CARF: variants seen among roughly 807,000 people sequenced by gnomAD.
The protein encoded by CARF is calcium responsive transcription factor.
Under a neutral mutation model 82.0 loss-of-function variants are expected in CARF, and 57 were observed. The observed-to-expected ratio is 0.70, with a 90% CI of 0.56 to 0.87. The LOEUF is 0.87. CARF is among the 40% of genes least tolerant of loss of function. The probability of loss-of-function intolerance (pLI) is 0.00; values close to 1 mark genes in which losing one functional copy is unlikely to be tolerated. For missense variants in CARF, 771 were observed against 855.8 expected, an observed-to-expected ratio of 0.90 and a Z score of 1.24; for synonymous variants, 268 against 290.1, an observed-to-expected ratio of 0.92 and a Z score of 0.77.
intron 3 of CARF, among the ~76,000 whole-genome samples, chr2:202,933,073 G>C (rs1303265513): frequency 6.6e-6 from 1 of 152,138 alleles, no homozygotes; most frequent in Non-Finnish European, 1.5e-5. Flanking sequence ...TGACTGCTCT[G>C]AGCAGCTAAG....
chr2:202,960,719 C>T lies in CARF; in HGVS notation c.643-518C>T, dbSNP rs555207958. 5.3e-5 allele frequency among the ~76,000 whole-genome samples: 8 copies of T among 151,236 alleles called. No individual in the cohort carries two copies. In the South Asian group the frequency reaches 8.4e-4, roughly 16 times the overall value. ...CTGCCTTCCCACCTTCCCGCCTTCC[C>T]GCCTTCCCACCTTCCCGCCTTCCCG... On this transcript the variant is annotated intron_variant, in intron 8 of 16. Coordinates refer to ENST00000438828, the MANE Select transcript of CARF (RefSeq NM_024744.17).
rs574326911 is a variant in CARF, at chr2:202,977,166, T to G, written c.1495-103T>G. 3 of 832,282 alleles carry G rather than the reference T, an allele frequency of 3.6e-6. No homozygotes were observed. The South Asian group carries it at 4.8e-5, about 13-fold the overall frequency. 51.6% of individuals were successfully genotyped at this position (832,282 alleles called of 1,614,324 possible). ...ACAAGTGAAGAGAGTAGTTGCAGAA[T>G]AAATCACATACTGTGAATAAAATAT... On this transcript the variant is annotated intron_variant, in intron 13 of 16. Transcript: ENST00000438828.
At chr2:202,949,676 G>A (rs1212630566) in intron 5 of CARF, among the ~76,000 whole-genome samples, 2 of 151,374 alleles carry the variant, frequency 1.3e-5, no homozygotes, top group African/African-American at 2.4e-5. Context: ...TCAGCCTCCC[G>A]AGTAGCTGGG....
Position 202,986,899 on chromosome 2 carries a change from T to TACATATATATATATATATAC in CARF, c.*3276_*3277insCATATATATATATATATACA, listed in dbSNP as rs1371634828. On this transcript the variant is annotated 3_prime_UTR_variant, in exon 17 of 17. Transcript: ENST00000438828. ...ATATATATATATATATATATATATA[T>TACATATATATATATATATAC]ATATATATAGCAACTTGATGTATAG... 4.3e-4 allele frequency: 60 copies of TACATATATATATATATATAC among 138,072 alleles called. No individual in the cohort carries two copies. Among genetic ancestry groups the TACATATATATATATATATAC allele is most frequent in the East Asian group, 8.3e-4 (4 of 4,830 alleles). 8.6% of individuals were successfully genotyped at this position (138,072 alleles called of 1,614,324 possible). A position where few individuals can be genotyped will look rare whatever the true frequency, so the allele number is the denominator to read the frequency against.
At chr2:202,955,157 T>A (rs1212176156) in intron 7 of CARF, among the ~76,000 whole-genome samples, 2 of 152,314 alleles carry the variant, frequency 1.3e-5, no homozygotes, top group East Asian at 1.9e-4. Flanking sequence ...TTTAAAATAA[T>A]ACTATGATAT....
chr2:202,948,092 C>G, intron 5 of CARF, among the ~76,000 whole-genome samples: 1 of 152,096 alleles, frequency 6.6e-6, no homozygotes, highest in South Asian at 2.1e-4. Context: ...AATCCTGGCA[C>G]CATTTACTTA....
chr2:202,951,907 A>G (rs2058773392), intron 5 of CARF, among the ~76,000 whole-genome samples: 1 of 150,444 alleles, frequency 6.6e-6, no homozygotes, highest in Non-Finnish European at 1.5e-5. Flanking sequence ...ATCTCGGCTC[A>G]CTGCAACCTC....
intron 3 of CARF, among the ~76,000 whole-genome samples, chr2:202,936,695 T>A (rs1377981860): frequency 6.6e-6 from 1 of 152,224 alleles, no homozygotes; most frequent in African/African-American, 2.4e-5. Context: ...ATGAGTTCTT[T>A]ACATATTCCA....
chr2:202,927,961 G>A (rs1397832633), intron 3 of CARF, among the ~76,000 whole-genome samples: 1 of 152,032 alleles, frequency 6.6e-6, no homozygotes, highest in Admixed American at 6.6e-5. Flanking sequence ...ACCATGCCCA[G>A]TTAATTTTTT....
intron 7 of CARF, among the ~76,000 whole-genome samples, chr2:202,954,870 C>T (rs1300418764): frequency 6.6e-6 from 1 of 151,220 alleles, no homozygotes; most frequent in Non-Finnish European, 1.5e-5. Flanking sequence ...AAAAATTAGC[C>T]GGGCGTGGTG....
intron 7 of CARF, among the ~76,000 whole-genome samples, chr2:202,954,386 T>A (rs1215934123): frequency 6.6e-6 from 1 of 152,164 alleles, no homozygotes; most frequent in East Asian, 1.9e-4. Context: ...TTTATTAGTT[T>A]ATTTAGTCTG....
chr2:202,976,498 T>C (rs1002401413), intron 13 of CARF, among the ~76,000 whole-genome samples: 4 of 152,094 alleles, frequency 2.6e-5, no homozygotes, highest in African/African-American at 4.8e-5. Flanking sequence ...GATATGGTAG[T>C]TTCTCCCTGA....
intron 2 of CARF, among the ~76,000 whole-genome samples, chr2:202,919,503 C>T (rs1479182786): frequency 6.6e-6 from 1 of 152,150 alleles, no homozygotes; most frequent in African/African-American, 2.4e-5. Context: ...TCTGTTCTAC[C>T]TAATGTTTTT....
chr2:202,929,024 C>G (rs1256135846), intron 3 of CARF, among the ~76,000 whole-genome samples: 1 of 152,112 alleles, frequency 6.6e-6, no homozygotes, highest in Non-Finnish European at 1.5e-5. Flanking sequence ...GCCATCACGC[C>G]TGGCCTGTAT....
intron 3 of CARF, among the ~76,000 whole-genome samples, chr2:202,927,408 T>G (rs78154120): frequency 0.03 from 4,500 of 152,276 alleles, 216 homozygotes; most frequent in African/African-American, 0.1. Context: ...ACATGATGTA[T>G]GTATATATCC....
chr2:202,925,284 G>T (rs1357130188), intron 3 of CARF: 4 of 358,756 alleles, frequency 1.1e-5, no homozygotes, highest in East Asian at 7.2e-5. Context: ...ACCTGGAAGA[G>T]CTGACTGACA....
At chr2:202,949,342 CA>C (rs540061451) in intron 5 of CARF, among the ~76,000 whole-genome samples, 12,650 of 113,930 alleles carry the variant, frequency 0.11, 642 homozygotes, top group Non-Finnish European at 0.15. Flanking sequence ...GACTCCATCT[CA>C]AAAAAAAAAA....
chr2:202,951,157 C>A (rs1210252324), intron 5 of CARF, among the ~76,000 whole-genome samples: 1 of 152,012 alleles, frequency 6.6e-6, no homozygotes, highest in Non-Finnish European at 1.5e-5. Context: ...AGTGATCCTC[C>A]CACCTGAACC....
intron 3 of CARF, among the ~76,000 whole-genome samples, chr2:202,927,245 A>C (rs1692013999): frequency 6.6e-6 from 1 of 151,864 alleles, no homozygotes. Context: ...ACATCCTTTA[A>C]TATGGCCTTC....
Sources: allele counts gnomAD v4.1 joint callset (sites outside exome capture counted in the v4.1 genomes callset), GRCh38; gene constraint gnomAD v4.1.1; transcripts MANE v1.5; gene names NCBI Gene and HGNC (gene_info 2026-07-23, HGNC 2026-07-21).